The following SF1 variants were observed in gnomAD, a reference collection of about 807,000 sequenced individuals.
SF1 encodes the protein branch point-binding protein.
Under a neutral mutation model 62.5 loss-of-function variants are expected in SF1, and 7 were observed. The observed-to-expected ratio is 0.11, with a 90% CI of 0.06 to 0.21. The LOEUF (loss-of-function observed/expected upper bound fraction) is 0.21, where lower values mean the gene tolerates loss of function less well. SF1 is among the 10% of genes least tolerant of loss of function. The probability of loss-of-function intolerance (pLI) is 1.00; values close to 1 mark genes in which losing one functional copy is unlikely to be tolerated. For synonymous variants in SF1, 394 were observed against 323.6 expected, an observed-to-expected ratio of 1.22 and a Z score of -2.33; for missense variants, 578 against 884.0, an observed-to-expected ratio of 0.65 and a Z score of 4.39.
rs1457721972 is a variant in SF1 at position 64,769,338 on chromosome 11, T to C, written c.664A>G (p.Ile222Val). The change falls in exon 7 of 13, where the codon ATA becomes GTA. Residue 222 changes from isoleucine (I) to valine (V), a missense_variant and splice_region_variant. Physicochemically the swap from Ile to Val is conservative, Grantham distance 29. Coordinates refer to ENST00000377390, the MANE Select transcript of SF1 (RefSeq NM_004630.4). The part of the protein sequence containing the change: ...MENVKKAVEQ[I>V]RNILKQGIET... ...ATACCCTGCTTCAGGATGTTTCTTA[T>C]CTAGTGAAAATGCAATGGACAGTTA... The C allele has an allele frequency of 1.2e-6, 2 of 1,614,020 alleles. No individual in the cohort carries two copies. The highest frequency in any genetic ancestry group is 2.7e-5 in the African/African-American group (2 of 74,896).
At position 64,765,001 on chromosome 11, in the gene SF1, G is replaced by A. The variant is rs1019912195; in HGVS notation, c.*817C>T. The A allele has an allele frequency of 6.5e-6, 1 of 152,858 alleles. No individual in the cohort carries two copies. The highest frequency in any genetic ancestry group is 6.5e-5 in the Admixed American group (1 of 15,296). 9.5% of individuals were successfully genotyped at this position (152,858 alleles called of 1,614,324 possible). A position where few individuals can be genotyped will look rare whatever the true frequency, so the allele number is the denominator to read the frequency against. On this transcript the variant is annotated 3_prime_UTR_variant, in exon 13 of 13. Coordinates refer to ENST00000377390, the MANE Select transcript of SF1 (RefSeq NM_004630.4). ...CCACTGCTGGCAGGATCGCCAGGAC[G>A]GATGGGAATCCCGAAACCTGGAGAT...
In SF1 at chr11:64,766,015, G is replaced by A. The variant is rs765615766; in HGVS notation, c.1723C>T (p.Pro575Ser). The part of the protein sequence containing the change: ...TMVPLPPGVQ[P>S]PLPPGAPPPP... ...GGAGGGGCCCCAGGCGGCAGAGGCG[G>A]CTGGACCCCGGGGGGCAGGGGCACC... Residue 575 changes from proline to serine, a missense_variant, in exon 13 of 13, where the codon CCG becomes TCG. By Grantham distance (74) the Pro-to-Ser change is moderately conservative. Around this residue, in one of 7 missense-constraint regions of SF1, gnomAD observed 410 missense variants for 452.4 expected, o/e 0.91. Transcript: ENST00000377390. 4.4e-6 allele frequency: 7 copies of A among 1,607,750 alleles called. No individual in the cohort carries two copies. The East Asian group carries it at 1.6e-4, about 36-fold the overall frequency.
chr11:64,771,952 C>T (rs1381749894), intron 3 of SF1: 1 of 985,412 alleles, frequency 1.0e-6, no homozygotes, highest in Non-Finnish European at 1.2e-6. Context: ...TTATTTCTAA[C>T]ATGCTTGACA....
chr11:64,776,301 C>T, intron 2 of SF1, 197 bp downstream of exon 2: 1 of 562,058 alleles, frequency 1.8e-6, no homozygotes. Flanking sequence ...GAGAACACTG[C>T]AGTTACGAAC....
chr11:64,774,208 T>C (rs1441098210), intron 2 of SF1, among the ~76,000 whole-genome samples: 3 of 152,146 alleles, frequency 2.0e-5, no homozygotes, highest in Admixed American at 2.0e-4. Context: ...CCAGTAACCA[T>C]AAAGTGCTAA....
At chr11:64,772,814 AG>A in intron 3 of SF1, 1 of 985,280 alleles carries the variant, frequency 1.0e-6, no homozygotes, top group East Asian at 1.1e-4. Context: ...AAAAAAAAAA[AG>A]TAATTTAGGG....
At chr11:64,768,064 G>A (rs375133869) in intron 9 of SF1, 42 bp downstream of exon 9, 61 of 1,578,636 alleles carry the variant, frequency 3.9e-5, no homozygotes, top group Non-Finnish European at 4.8e-5. Context: ...CTGCAGTAGA[G>A]AATGGGGAAG....
chr11:64,771,896 C>G, intron 3 of SF1: 1 of 985,366 alleles, frequency 1.0e-6, no homozygotes. Flanking sequence ...GGCATTAGGG[C>G]CTCTTTCAAA....
Position 64,765,600 on chromosome 11 carries a change from C to G in SF1, c.*218G>C, listed in dbSNP as rs866909330. The G allele has an allele frequency of 6.6e-7, 1 of 1,509,768 alleles. No individual in the cohort carries two copies. The highest frequency in any genetic ancestry group is 8.8e-7 in the Non-Finnish European group (1 of 1,137,296). The allele number at this position is 1,509,768 out of a possible 1,614,324, so 93.5% of individuals were successfully genotyped here. ...AAAGAAGACACTCGATGCTACGGGG[C>G]GCCAGGAGAGCCCAAGCTGGCGCCC... is the stretch of plus-strand genomic sequence containing the variant. On this transcript the variant is annotated 3_prime_UTR_variant, in exon 13 of 13. Coordinates refer to ENST00000377390, the MANE Select transcript of SF1 (RefSeq NM_004630.4).
intron 3 of SF1, chr11:64,772,510 T>C (rs1938489301): frequency 1.0e-6 from 1 of 984,964 alleles, no homozygotes; most frequent in African/African-American, 1.7e-5. Flanking sequence ...TCTAAAGCCA[T>C]TACATCATCT....
chr11:64,772,642 GC>G, intron 3 of SF1: 1 of 985,206 alleles, frequency 1.0e-6, no homozygotes, highest in Non-Finnish European at 1.2e-6. Context: ...GAGACTTACT[GC>G]CCTTCTAATT....
chr11:64,773,142 C>T (rs1592501633), intron 3 of SF1: 21 of 1,238,782 alleles, frequency 1.7e-5, no homozygotes, highest in Non-Finnish European at 2.0e-5. Flanking sequence ...ACCTCACTGT[C>T]CCCTAAGGGT....
intron 1 of SF1, chr11:64,777,896 C>T: frequency 4.2e-6 from 4 of 941,648 alleles, no homozygotes; most frequent in Non-Finnish European, 5.0e-6. Context: ...GCGCCCCTGC[C>T]GCGTGCAGCC....
chr11:64,771,745 CAT>C (rs1382511381), intron 3 of SF1: 3 of 985,298 alleles, frequency 3.0e-6, no homozygotes, highest in Non-Finnish European at 3.6e-6. Context: ...AAGTTTTAAA[CAT>C]GTTTTTACTG....
chr11:64,777,873 C>G, intron 1 of SF1: 1 of 934,766 alleles, frequency 1.1e-6, no homozygotes, highest in Non-Finnish European at 1.3e-6. Context: ...CGGGCCTCCC[C>G]GTGCGCGCAC....
chr11:64,770,169 T>A, intron 4 of SF1, 87 bp downstream of exon 4: 1 of 1,561,572 alleles, frequency 6.4e-7, no homozygotes, highest in Middle Eastern at 1.8e-4. Flanking sequence ...AGGCAAGAGG[T>A]GAGTAGTACC....
intron 2 of SF1, 91 bp from the exon 3 acceptor site, chr11:64,773,596 G>T: frequency 7.0e-7 from 1 of 1,424,706 alleles, no homozygotes; most frequent in Non-Finnish European, 9.5e-7. Flanking sequence ...CAAGCATGAA[G>T]AACTCGGAGA....
In SF1 at chr11:64,766,211, G is replaced by A. The variant is rs928785958; in HGVS notation, c.1583-56C>T. On this transcript the variant is annotated intron_variant, in intron 12 of 12. Coordinates refer to ENST00000377390, the MANE Select transcript of SF1 (RefSeq NM_004630.4). Reference sequence around the variant, plus strand: ...GCGCGGGGGCACACCGCGGCTGTCTGCGGCTGCTGCCTTGGGATGGGGGCG... The same window carrying A: ...GCGCGGGGGCACACCGCGGCTGTCTACGGCTGCTGCCTTGGGATGGGGGCG... 1.9e-5 allele frequency: 28 copies of A among 1,488,486 alleles called. No individual in the cohort carries two copies. In the Admixed American group the frequency reaches 3.5e-4, roughly 19 times the overall value. The allele number at this position is 1,488,486 out of a possible 1,614,324, so 92.2% of individuals were successfully genotyped here.
Position 64,765,564 on chromosome 11 carries a change from AG to A in SF1, c.*253del, listed in dbSNP as rs1229612577. 6.4e-7 allele frequency: 1 copy of A among 1,568,332 alleles called. No homozygotes were observed. The highest frequency in any genetic ancestry group is 1.9e-5 in the Admixed American group (1 of 51,532). ...GAGGCAAAGGGAGTTGGGTGAGGAGAGAAAGAAGACAAAGAAGACACTCGAT... is the reference window on the plus strand; with the variant it reads ...GAGGCAAAGGGAGTTGGGTGAGGAGAAAAGAAGACAAAGAAGACACTCGAT... On this transcript the variant is annotated 3_prime_UTR_variant, in exon 13 of 13. Transcript: ENST00000377390.
Sources: allele counts gnomAD v4.1 joint callset (sites outside exome capture counted in the v4.1 genomes callset), GRCh38; gene constraint gnomAD v4.1.1; regional missense constraint gnomAD v4.1.1; transcripts MANE v1.5; gene names NCBI Gene and HGNC (gene_info 2026-07-23, HGNC 2026-07-21).